The following SEMA6A variants were observed in gnomAD, a reference collection of about 807,000 sequenced individuals.
SEMA6A encodes semaphorin 6A, also known as semaphorin-6A.
A neutral mutation model predicts 96.8 loss-of-function variants in SEMA6A; 25 were observed. The observed-to-expected ratio is 0.26, with a 90% CI of 0.19 to 0.36. SEMA6A has a LOEUF of 0.36. Ranked by LOEUF, SEMA6A falls within the 10% of genes least tolerant of loss-of-function variation. The pLI, the probability that SEMA6A is intolerant of heterozygous loss-of-function variation, is 1.00. For missense variants in SEMA6A, 1,363 were observed against 1,323.1 expected (o/e 1.03, Z -0.47); for synonymous variants, 612 against 518.0 (o/e 1.18, Z -2.46).
At chr5:116,467,488 A>T in intron 18 of SEMA6A, 95 bp downstream of exon 18, 1 of 1,306,826 alleles carries the variant, frequency 7.7e-7, no homozygotes, top group Non-Finnish European at 1.0e-6. Context: ...GAGGTTCCTT[A>T]AATGCTGCCA....
At chr5:116,509,519 A>C (rs912835339) in intron 1 of SEMA6A, among the ~76,000 whole-genome samples, 1 of 152,112 alleles carries the variant, frequency 6.6e-6, no homozygotes, top group Non-Finnish European at 1.5e-5. Flanking sequence ...AGGATATGAA[A>C]TGTAATAGTC....
rs539816148 is a variant in SEMA6A at position 116,491,632 on chromosome 5, A to G, written c.535+108T>C. Reference sequence around the variant, plus strand: ...GGCATTCTTAATTACAGTATTCACCAGAGAATCAAAGCACAACTGTGACTC... The same window carrying G: ...GGCATTCTTAATTACAGTATTCACCGGAGAATCAAAGCACAACTGTGACTC... On this transcript the variant is annotated intron_variant, in intron 7 of 18. Transcript: ENST00000343348. The G allele has an allele frequency of 1.6e-5, 13 of 808,324 alleles. No individual in the cohort carries two copies. The East Asian group carries it at 3.0e-4, about 18-fold the overall frequency. 50.1% of individuals were successfully genotyped at this position (808,324 alleles called of 1,614,324 possible).
At position 116,525,808 on chromosome 5, in the gene SEMA6A, A is replaced by C. The variant is rs532477331; in HGVS notation, c.-38-20826T>G. Among the ~76,000 whole-genome samples, 4 of 152,372 alleles carry C rather than the reference A, an allele frequency of 2.6e-5. No homozygotes were observed. The East Asian group carries it at 7.7e-4, about 29-fold the overall frequency. On this transcript the variant is annotated intron_variant, in intron 1 of 18. Transcript: ENST00000343348. ...GTAGTTCTCTTCCCAACTGCATTAC[A>C]AACACCTCAAAGGGAGGGGCCGTTT...
chr5:116,499,968 G>C (rs912105824), intron 3 of SEMA6A, among the ~76,000 whole-genome samples: 1 of 152,208 alleles, frequency 6.6e-6, no homozygotes, highest in East Asian at 1.9e-4. Flanking sequence ...CAACTGGAAA[G>C]TGAACAATTC....
chr5:116,478,376 T>A (rs1756576258), intron 13 of SEMA6A, 166 bp downstream of exon 13: 1 of 816,504 alleles, frequency 1.2e-6, no homozygotes. Context: ...ACACACACAT[T>A]GGCAAGGAGA....
intron 10 of SEMA6A, among the ~76,000 whole-genome samples, chr5:116,484,727 A>G (rs1756964156): frequency 6.6e-6 from 1 of 152,236 alleles, no homozygotes; most frequent in Non-Finnish European, 1.5e-5. Flanking sequence ...AAGGTCCCAT[A>G]GGAGGTGACT....
At chr5:116,540,729 GA>G (rs1388718374) in intron 1 of SEMA6A, among the ~76,000 whole-genome samples, 1 of 152,122 alleles carries the variant, frequency 6.6e-6, no homozygotes, top group Non-Finnish European at 1.5e-5. Flanking sequence ...GAGAGAGAGG[GA>G]AAAAAACTTG....
At chr5:116,525,719 G>T (rs1007412427) in intron 1 of SEMA6A, among the ~76,000 whole-genome samples, 1 of 152,076 alleles carries the variant, frequency 6.6e-6, no homozygotes, top group African/African-American at 2.4e-5. Context: ...TTTCAGTACC[G>T]TGCCAATGTA....
At chr5:116,541,458 A>G (rs546818044) in intron 1 of SEMA6A, among the ~76,000 whole-genome samples, 3 of 152,180 alleles carry the variant, frequency 2.0e-5, no homozygotes, top group South Asian at 4.2e-4. Context: ...ACATGTTCCT[A>G]TACTAAGAGG....
At chr5:116,450,160 A>T (rs1047215574) in intron 18 of SEMA6A, among the ~76,000 whole-genome samples, 1 of 152,260 alleles carries the variant, frequency 6.6e-6, no homozygotes, top group African/African-American at 2.4e-5. Flanking sequence ...ACAAAAATGT[A>T]CACCTGTGGA....
intron 18 of SEMA6A, among the ~76,000 whole-genome samples, chr5:116,448,027 T>C (rs1292924014): frequency 6.6e-6 from 1 of 151,890 alleles, no homozygotes; most frequent in Admixed American, 6.5e-5. Flanking sequence ...GTAGCCTTCT[T>C]TGTTGTCTAA....
chr5:116,502,228 G>A lies in SEMA6A; in HGVS notation c.200C>T (p.Thr67Ile), dbSNP rs1038753254. 1.2e-6 allele frequency: 2 copies of A among 1,613,744 alleles called. No individual in the cohort carries two copies. Among genetic ancestry groups the A allele is most frequent in the Admixed American group, 3.3e-5 (2 of 59,994 alleles). ...DIQMIMIMNG[T>I]LYIAARDHIY... is the part of the protein sequence containing the mutation. ...CCCTTACCTAGCAGCAATGTAGAGG[G>A]TTCCGTTCATGATCATAATCATCTG... Residue 67 changes from threonine to isoleucine, a missense_variant, in exon 3 of 19, where the codon ACC (threonine) becomes ATC (isoleucine). Thr to Ile is a moderately conservative substitution (Grantham distance 89). Coordinates refer to ENST00000343348, the MANE Select transcript of SEMA6A (RefSeq NM_020796.5).
chr5:116,501,092 A>G (rs1408669756), intron 3 of SEMA6A, among the ~76,000 whole-genome samples: 1 of 152,200 alleles, frequency 6.6e-6, no homozygotes, highest in African/African-American at 2.4e-5. Context: ...CACAGGGGAC[A>G]CTACAAGATA....
In SEMA6A at chr5:116,504,918, A is replaced by G; in HGVS notation, c.27T>C (p.Tyr9=). 2.5e-6 allele frequency: 4 copies of G among 1,601,554 alleles called. No individual in the cohort carries two copies. The highest frequency in any genetic ancestry group is 3.4e-6 in the Non-Finnish European group (4 of 1,173,948). The change falls in exon 2 of 19, where the codon TAT becomes TAC. Residue 9 remains tyrosine (Y), a synonymous_variant. Coordinates refer to ENST00000343348, the MANE Select transcript of SEMA6A (RefSeq NM_020796.5). Reference sequence around the variant, plus strand: ...CCCCAGCAAAGTGTAGCAGTGTGAAATATAGCAGCAAGGCTTCTGACCTCA... The same window carrying G: ...CCCCAGCAAAGTGTAGCAGTGTGAAGTATAGCAGCAAGGCTTCTGACCTCA... MRSEALLL[Y]FTLLHFAGAG...
At chr5:116,507,216 C>T (rs996932877) in intron 1 of SEMA6A, among the ~76,000 whole-genome samples, 3 of 152,178 alleles carry the variant, frequency 2.0e-5, no homozygotes, top group Non-Finnish European at 4.4e-5. Context: ...TTAACATGTA[C>T]ATCATACGGG....
intron 9 of SEMA6A, 112 bp from the exon 10 acceptor site, chr5:116,487,078 G>T (rs1757086121): frequency 1.6e-5 from 10 of 623,974 alleles, no homozygotes; most frequent in South Asian, 2.3e-5. Context: ...GCTTAATACT[G>T]TTTCTAAAAT....
chr5:116,569,366 T>C (rs1435513273), intron 1 of SEMA6A, among the ~76,000 whole-genome samples: 1 of 152,092 alleles, frequency 6.6e-6, no homozygotes, highest in Admixed American at 6.5e-5. Flanking sequence ...GCTTGACAGA[T>C]TCAAGCAAGC....
At chr5:116,503,197 G>A (rs866719319) in intron 2 of SEMA6A, among the ~76,000 whole-genome samples, 1 of 152,200 alleles carries the variant, frequency 6.6e-6, no homozygotes, top group South Asian at 2.1e-4. Context: ...CATTTAAAAG[G>A]CACTTGTTTT....
At chr5:116,483,923 G>C (rs184740739) in intron 10 of SEMA6A, among the ~76,000 whole-genome samples, 168 of 152,128 alleles carry the variant, frequency 1.1e-3, no homozygotes, top group African/African-American at 4.0e-3. Flanking sequence ...AATTAGCCAG[G>C]CATGATGGTG....
Sources: gnomAD v4.1 joint callset for allele counts (sites outside exome capture counted in the v4.1 genomes callset) on GRCh38, gnomAD v4.1.1 for gene constraint, MANE v1.5 for transcripts, NCBI Gene and HGNC (gene_info 2026-07-23, HGNC 2026-07-21) for gene names.